The following PPARGC1A variants were observed in gnomAD, a reference collection of about 807,000 sequenced individuals.
PPARGC1A encodes the protein peroxisome proliferator-activated receptor gamma coactivator 1-alpha.
In PPARGC1A, 25 loss-of-function variants were observed where a neutral mutation model predicts 88.7. The observed-to-expected ratio is 0.28, with a 90% CI of 0.21 to 0.39. The LOEUF (loss-of-function observed/expected upper bound fraction) is 0.39, where lower values mean the gene tolerates loss of function less well. PPARGC1A is among the 10% of genes least tolerant of loss of function. The pLI is 1.00. For missense variants in PPARGC1A, 880 were observed against 968.7 expected (o/e 0.91, Z 1.22); for synonymous variants, 363 against 355.6 (o/e 1.02, Z -0.24).
At chr4:24,470,271 GACACAGACACACACAC>G in the PPARGC1A span, among the ~76,000 whole-genome samples, 10 of 71,970 alleles carry the variant, frequency 1.4e-4, no homozygotes, top group South Asian at 5.4e-4. The surrounding 1 kb of genome is among the most constrained non-coding windows in gnomAD (Gnocchi z 5.8). Flanking sequence ...CTCATCGACA[GACACAGACACACACAC>G]ACACACACAC....
intron 5 of PPARGC1A, among the ~76,000 whole-genome samples, chr4:23,825,676 C>T (rs1274187654): frequency 6.6e-6 from 1 of 151,868 alleles, no homozygotes; most frequent in African/African-American, 2.4e-5. Context: ...TATTCATGTC[C>T]AAATTAACCT....
chr4:24,315,087 C>T, the PPARGC1A span, among the ~76,000 whole-genome samples: 11 of 151,522 alleles, frequency 7.3e-5, no homozygotes, highest in South Asian at 4.2e-4. Context: ...AGCCTTTGGT[C>T]AGAAGGCTTT....
At chr4:24,408,437 T>C in the PPARGC1A span, among the ~76,000 whole-genome samples, 5 of 152,104 alleles carry the variant, frequency 3.3e-5, no homozygotes, top group African/African-American at 1.2e-4. Flanking sequence ...TCGCAAATAA[T>C]TGTTCTTAAA....
chr4:24,114,123 C>CAAA, the PPARGC1A span, among the ~76,000 whole-genome samples: 811 of 57,904 alleles, frequency 0.014, 9 homozygotes, highest in African/African-American at 0.029. Flanking sequence ...GACTCCATCA[C>CAAA]AAAAAAAAAA....
chr4:24,358,172 T>C, the PPARGC1A span, among the ~76,000 whole-genome samples: 52 of 152,330 alleles, frequency 3.4e-4, 1 homozygote, highest in South Asian at 9.5e-3. Flanking sequence ...TTCAAGGTCA[T>C]GCAGTTAGTA....
the PPARGC1A span, among the ~76,000 whole-genome samples, chr4:24,031,494 C>G: frequency 6.6e-6 from 1 of 151,800 alleles, no homozygotes; most frequent in African/African-American, 2.4e-5. Flanking sequence ...GATAAATTAA[C>G]TGTGGACCTG....
At chr4:23,846,427 A>T (rs1002637962) in intron 2 of PPARGC1A, among the ~76,000 whole-genome samples, 10 of 152,222 alleles carry the variant, frequency 6.6e-5, no homozygotes, top group Admixed American at 5.9e-4. Context: ...TATCAGGAGA[A>T]TAAAAGGAAA....
the PPARGC1A span, among the ~76,000 whole-genome samples, chr4:24,245,776 C>G: frequency 3.3e-5 from 5 of 152,142 alleles, no homozygotes; most frequent in Admixed American, 2.6e-4. Context: ...AAAAATATCT[C>G]CTCTTTGCCT....
At chr4:24,230,070 C>T in the PPARGC1A span, among the ~76,000 whole-genome samples, 8 of 152,116 alleles carry the variant, frequency 5.3e-5, no homozygotes, top group African/African-American at 7.2e-5. Context: ...TGGTTCTAAC[C>T]CCGTTTTCAA....
At chr4:23,999,911 C>T in the PPARGC1A span, among the ~76,000 whole-genome samples, 1 of 151,966 alleles carries the variant, frequency 6.6e-6, no homozygotes, top group Admixed American at 6.6e-5. Flanking sequence ...GATGATTATT[C>T]AGAGGAGTGG....
the PPARGC1A span, among the ~76,000 whole-genome samples, chr4:24,432,313 T>C: frequency 3.9e-5 from 6 of 152,222 alleles, no homozygotes; most frequent in East Asian, 7.7e-4. Context: ...ATAAGGATCT[T>C]TTTTTCTCTC....
chr4:24,437,594 TTTGTTGTTGTTGTTGTTG>T, the PPARGC1A span, among the ~76,000 whole-genome samples: 28 of 143,844 alleles, frequency 1.9e-4, no homozygotes, highest in East Asian at 5.5e-4. Context: ...GCACAGGTTT[TTTGTTGTTGTTGTTGTTG>T]TTGTTGTTGT....
chr4:24,282,182 T>C, the PPARGC1A span, among the ~76,000 whole-genome samples: 12 of 152,230 alleles, frequency 7.9e-5, no homozygotes, highest in African/African-American at 2.4e-4. Flanking sequence ...CAACTTGCCC[T>C]AGGTCACATA....
chr4:24,452,101 T>C, the PPARGC1A span, among the ~76,000 whole-genome samples: 1 of 151,964 alleles, frequency 6.6e-6, no homozygotes, highest in Non-Finnish European at 1.5e-5. Flanking sequence ...CAAGAAGGAA[T>C]ACTTCTAGCA....
chr4:24,450,571 A>ATCCT, the PPARGC1A span, among the ~76,000 whole-genome samples: 1 of 152,132 alleles, frequency 6.6e-6, no homozygotes, highest in Non-Finnish European at 1.5e-5. Context: ...TGTTTCAAAG[A>ATCCT]TCCTTCTCTT....
the PPARGC1A span, among the ~76,000 whole-genome samples, chr4:24,022,761 G>C: frequency 6.6e-6 from 1 of 152,208 alleles, no homozygotes; most frequent in East Asian, 1.9e-4. Flanking sequence ...CAGTTCTGCT[G>C]TGGCTCAGGC....
chr4:24,301,382 C>T, the PPARGC1A span, among the ~76,000 whole-genome samples: 4 of 151,966 alleles, frequency 2.6e-5, no homozygotes, highest in African/African-American at 7.3e-5. Context: ...AGCCTTTCAT[C>T]CCTAAAATTT....
At chr4:24,401,015 C>CTTTTTTTTTTTTT in the PPARGC1A span, among the ~76,000 whole-genome samples, 4 of 99,822 alleles carry the variant, frequency 4.0e-5, no homozygotes, top group Non-Finnish European at 5.5e-5. Context: ...CCTGAATTTT[C>CTTTTTTTTTTTTT]TTTTTTTTTT....
At chr4:23,815,052 T>A (rs1444724072) in intron 7 of PPARGC1A, among the ~76,000 whole-genome samples, 1 of 150,770 alleles carries the variant, frequency 6.6e-6, no homozygotes, top group Non-Finnish European at 1.5e-5. Context: ...TTGCAGAGGA[T>A]GCAAGCAGCT....
Sources: allele counts gnomAD v4.1 joint callset (sites outside exome capture counted in the v4.1 genomes callset), GRCh38; gene constraint gnomAD v4.1.1; non-coding constraint Gnocchi (gnomAD v3.1); transcripts MANE v1.5; gene names NCBI Gene and HGNC (gene_info 2026-07-23, HGNC 2026-07-21).